CDH12: variants seen among roughly 807,000 people sequenced by gnomAD.
The protein encoded by CDH12 is cadherin-12.
In CDH12, 41 loss-of-function variants were observed where a neutral mutation model predicts 74.1. The observed-to-expected ratio is 0.55, with a 90% CI of 0.43 to 0.72. The LOEUF (loss-of-function observed/expected upper bound fraction) is 0.72. Among genes scored for constraint, CDH12 ranks in the 30% least tolerant of loss-of-function variants. CDH12 has a pLI of 0.00. For missense variants in CDH12, 945 were observed against 977.2 expected (o/e 0.97, Z 0.44); for synonymous variants, 399 against 355.0 (o/e 1.12, Z -1.39).
Position 21,981,078 on chromosome 5 carries a change from A to C in CDH12, c.232-5693T>G, listed in dbSNP as rs534228232. On this transcript the variant is annotated intron_variant, in intron 5 of 14. Transcript: ENST00000382254. The stretch of plus-strand genomic sequence containing the variant: ...AGTTCTTATAAAAATACATATATAA[A>C]ATTGGCTAAATGATTAAATGTTATA... 1.8e-3 allele frequency among the ~76,000 whole-genome samples: 274 copies of C among 152,218 alleles called. 2 individuals are homozygous for C. Among genetic ancestry groups the C allele is most frequent in the African/African-American group, 6.4e-3 (268 of 41,558 alleles).
chr5:21,841,508 G>T lies in CDH12; in HGVS notation c.814+653C>A, dbSNP rs1410901564. On this transcript the variant is annotated intron_variant, in intron 8 of 14. Transcript: ENST00000382254. ...TTTGACCCAGCCATCCCATTACTGG[G>T]TATATACCCAAAGGACTATAAATCA... Among the ~76,000 whole-genome samples the T allele has an allele frequency of 1.5e-3, 228 of 149,230 alleles. 2 individuals carry two copies. The highest frequency in any genetic ancestry group is 0.011 in the Admixed American group (160 of 14,984).
chr5:22,176,260 C>G (rs1405912019), intron 4 of CDH12, among the ~76,000 whole-genome samples: 1 of 152,020 alleles, frequency 6.6e-6, no homozygotes, highest in African/African-American at 2.4e-5. Flanking sequence ...AGATTCAAAA[C>G]CATGTAAACA....
intron 9 of CDH12, among the ~76,000 whole-genome samples, chr5:21,804,954 A>T (rs1268980413): frequency 6.6e-6 from 1 of 152,148 alleles, no homozygotes; most frequent in African/African-American, 2.4e-5. Context: ...ACATATAAAA[A>T]TATGTTTTCT....
chr5:21,769,124 G>T (rs1471062442), intron 11 of CDH12, among the ~76,000 whole-genome samples: 3 of 152,000 alleles, frequency 2.0e-5, no homozygotes, highest in Non-Finnish European at 4.4e-5. Context: ...TCCTCAACCT[G>T]ATAAAGTATG....
chr5:22,529,491 T>G (rs1382488085), intron 1 of CDH12, among the ~76,000 whole-genome samples: 2 of 152,074 alleles, frequency 1.3e-5, no homozygotes, highest in African/African-American at 4.8e-5. Context: ...AATCAAGCAG[T>G]AGGAATCCAC....
chr5:22,659,845 A>C (rs1186574126), intron 1 of CDH12, among the ~76,000 whole-genome samples: 1 of 152,158 alleles, frequency 6.6e-6, no homozygotes. Context: ...TATTTCAATG[A>C]ATTTTCTAAA....
At chr5:22,498,722 C>T (rs555474267) in intron 2 of CDH12, among the ~76,000 whole-genome samples, 12 of 151,306 alleles carry the variant, frequency 7.9e-5, no homozygotes, top group Admixed American at 3.3e-4. Flanking sequence ...TTAATTGACA[C>T]GTAATAATTG....
chr5:22,207,837 T>C (rs1282543186), intron 4 of CDH12, among the ~76,000 whole-genome samples: 1 of 152,224 alleles, frequency 6.6e-6, no homozygotes, highest in Non-Finnish European at 1.5e-5. Flanking sequence ...GTGTTCATTG[T>C]TGCTAAGGAG....
chr5:21,974,953 A>G, intron 6 of CDH12, 138 bp downstream of exon 6: 1 of 659,010 alleles, frequency 1.5e-6, no homozygotes, highest in East Asian at 2.8e-5. Context: ...AGTTACAAAA[A>G]TAAATGAAAA....
At chr5:22,783,428 G>A (rs1372084999) in intron 1 of CDH12, among the ~76,000 whole-genome samples, 1 of 152,080 alleles carries the variant, frequency 6.6e-6, no homozygotes, top group Non-Finnish European at 1.5e-5. Context: ...GTAGAAAATG[G>A]AGTTAGAATA....
At chr5:22,472,351 T>A (rs1020960285) in intron 2 of CDH12, among the ~76,000 whole-genome samples, 38 of 152,116 alleles carry the variant, frequency 2.5e-4, no homozygotes, top group Non-Finnish European at 5.0e-4. Flanking sequence ...GCCCTAAGGA[T>A]GAGTCTGCAG....
At chr5:21,854,398 AC>A (rs891207029) in intron 7 of CDH12, among the ~76,000 whole-genome samples, 5 of 151,798 alleles carry the variant, frequency 3.3e-5, no homozygotes, top group African/African-American at 1.2e-4. Flanking sequence ...TTTAAAGTAG[AC>A]TTTTGAAAAT....
intron 1 of CDH12, among the ~76,000 whole-genome samples, chr5:22,775,423 G>A (rs1747039866): frequency 6.6e-6 from 1 of 151,712 alleles, no homozygotes. Context: ...GAGAAGCCTG[G>A]GTCTGTCATG....
At chr5:22,302,766 A>C (rs1027357074) in intron 3 of CDH12, among the ~76,000 whole-genome samples, 3 of 152,122 alleles carry the variant, frequency 2.0e-5, no homozygotes, top group Non-Finnish European at 4.4e-5. Context: ...AAAATGAACT[A>C]TTGTTTATTG....
intron 1 of CDH12, among the ~76,000 whole-genome samples, chr5:22,561,175 G>A (rs941517567): frequency 6.6e-6 from 1 of 152,060 alleles, no homozygotes; most frequent in African/African-American, 2.4e-5. Flanking sequence ...GTTTCAAAGT[G>A]ACTTCAGTAA....
intron 9 of CDH12, among the ~76,000 whole-genome samples, chr5:21,812,086 A>G (rs1371708910): frequency 1.3e-5 from 2 of 152,112 alleles, no homozygotes; most frequent in African/African-American, 2.4e-5. Context: ...TTTTGAAGAT[A>G]AAACAGTAAT....
intron 1 of CDH12, among the ~76,000 whole-genome samples, chr5:22,779,254 C>T (rs894575995): frequency 2.0e-5 from 3 of 152,054 alleles, no homozygotes; most frequent in Admixed American, 2.0e-4. Context: ...AAATGGCTGC[C>T]TTCAAACTAT....
intron 3 of CDH12, among the ~76,000 whole-genome samples, chr5:22,276,533 C>T (rs1252735980): frequency 6.6e-6 from 1 of 152,042 alleles, no homozygotes; most frequent in Non-Finnish European, 1.5e-5. Context: ...TTGAAATGTA[C>T]CATGTATGTG....
At chr5:22,291,553 C>T (rs540836617) in intron 3 of CDH12, among the ~76,000 whole-genome samples, 33 of 152,206 alleles carry the variant, frequency 2.2e-4, no homozygotes, top group African/African-American at 7.7e-4. Flanking sequence ...TGTTTGTATG[C>T]ACAAATTGCA....
Sources: gnomAD v4.1 joint callset for allele counts (sites outside exome capture counted in the v4.1 genomes callset) on GRCh38, gnomAD v4.1.1 for gene constraint, MANE v1.5 for transcripts, NCBI Gene and HGNC (gene_info 2026-07-23, HGNC 2026-07-21) for gene names.